Variants in PLEKHH2 observed in about 807,000 individuals in gnomAD.
PLEKHH2 encodes the protein pleckstrin homology, MyTH4 and FERM domain containing H2, also known as pleckstrin homology domain-containing family H member 2.
PLEKHH2 carries 129 observed loss-of-function variants against 187.9 expected under a neutral mutation model. The observed-to-expected ratio is 0.69, with a 90% confidence interval of 0.59 to 0.79. PLEKHH2 has a LOEUF of 0.79. PLEKHH2 is among the 30% of genes least tolerant of loss of function. The pLI, the probability that PLEKHH2 is intolerant of heterozygous loss-of-function variation, is 0.00. For synonymous variants in PLEKHH2, 686 were observed against 605.6 expected (o/e 1.13, Z -1.95); for missense variants, 2,076 against 1,751.2 (o/e 1.19, Z -3.31).
intron 2 of PLEKHH2, among the ~76,000 whole-genome samples, chr2:43,657,239 T>TG (rs1221763232): frequency 2.6e-5 from 4 of 152,138 alleles, no homozygotes; most frequent in Non-Finnish European, 5.9e-5. Flanking sequence ...TGATTTCACT[T>TG]GGATGTCTAG....
intron 21 of PLEKHH2, among the ~76,000 whole-genome samples, chr2:43,741,733 C>T (rs942483284): frequency 6.6e-6 from 1 of 152,102 alleles, no homozygotes; most frequent in South Asian, 2.1e-4. Flanking sequence ...CATCTGTGAC[C>T]AAGGTCAGGT....
chr2:43,685,634 G>A (rs375377672), intron 3 of PLEKHH2, among the ~76,000 whole-genome samples: 36 of 136,126 alleles, frequency 2.6e-4, no homozygotes, highest in East Asian at 1.3e-3. Flanking sequence ...TAGAGACGAT[G>A]TCTCACCACA....
intron 25 of PLEKHH2, among the ~76,000 whole-genome samples, chr2:43,754,869 C>CTTTTTTTTT (rs3066318): frequency 9.2e-6 from 1 of 108,782 alleles, no homozygotes; most frequent in Non-Finnish European, 1.8e-5. Context: ...TTAAAATCAA[C>CTTTTTTTTT]TTTTTTTTTT....
rs777049188 is a variant in PLEKHH2 at position 43,743,928 on chromosome 2, C to T, written c.3494C>T (p.Ala1165Val). The stretch of plus-strand genomic sequence containing the variant: ...AGGAAACCAGCGCAGTCTGGATTTG[C>T]GTTGTTCACTGACGATCCTTCTGGC... The part of the protein sequence containing the change: ...GMRKPAQSGF[A>V]LFTDDPSGRD... Residue 1165 changes from alanine to valine, a missense_variant, in exon 23 of 30, where the codon GCG becomes GTG. By Grantham distance (64) the Ala-to-Val change is moderately conservative (BLOSUM62 0). Transcript: ENST00000282406. The T allele has an allele frequency of 5.0e-6, 8 of 1,613,974 alleles. No individual in the cohort carries two copies. The highest frequency in any genetic ancestry group is 1.3e-5 in the African/African-American group (1 of 75,008).
intron 15 of PLEKHH2, among the ~76,000 whole-genome samples, chr2:43,716,301 G>A (rs1380010066): frequency 2.0e-5 from 3 of 152,202 alleles, no homozygotes; most frequent in Non-Finnish European, 2.9e-5. Context: ...GCTGAAACTG[G>A]AGGAAAAGTG....
In PLEKHH2 at chr2:43,675,826, T is replaced by A. The variant is rs377244045; in HGVS notation, c.124-3037T>A. On this transcript the variant is annotated intron_variant, in intron 2 of 29. Transcript: ENST00000282406. Reference sequence around the variant, plus strand: ...TCCAAATATAACAGTGTGGCCCAGATAGAAGGGCTGGGATGCATCCCTTGT... The same window carrying A: ...TCCAAATATAACAGTGTGGCCCAGAAAGAAGGGCTGGGATGCATCCCTTGT... 1.3e-5 allele frequency: 21 copies of A among 1,613,826 alleles called. No individual in the cohort carries two copies. In the African/African-American group the frequency reaches 2.8e-4, roughly 22 times the overall value.
At position 43,700,245 on chromosome 2, in the gene PLEKHH2, A is replaced by G. The variant is rs139795982; in HGVS notation, c.1287A>G (p.Gln429=). 1.3e-4 allele frequency: 212 copies of G among 1,614,062 alleles called. 2 individuals carry two copies. The highest frequency in any genetic ancestry group is 1.6e-4 in the Middle Eastern group (1 of 6,084). Residue 429 remains glutamine, a synonymous_variant, in exon 8 of 30, where the codon CAA becomes CAG. Transcript: ENST00000282406. ...HPNSLSGKGT[Q]LVPSSHLPPP... is the part of the protein sequence containing the mutation. ...ACTCACTCTCTGGAAAAGGAACACAATTAGTGCCTTCATCACACCTGCCAC... is the reference window on the plus strand; with the variant it reads ...ACTCACTCTCTGGAAAAGGAACACAGTTAGTGCCTTCATCACACCTGCCAC...
chr2:43,721,206 T>C (rs769996404), intron 16 of PLEKHH2, among the ~76,000 whole-genome samples: 1 of 152,172 alleles, frequency 6.6e-6, no homozygotes. Context: ...ATGTTTAAAC[T>C]AATCCCCTCC....
At chr2:43,715,069 G>A (rs1670148922) in intron 15 of PLEKHH2, among the ~76,000 whole-genome samples, 1 of 151,992 alleles carries the variant, frequency 6.6e-6, no homozygotes, top group African/African-American at 2.4e-5. Flanking sequence ...CCTGAGGTCA[G>A]AAGTTCGAGA....
intron 18 of PLEKHH2, among the ~76,000 whole-genome samples, 167 bp downstream of exon 18, chr2:43,729,912 C>T (rs1670957005): frequency 6.6e-6 from 1 of 152,114 alleles, no homozygotes; most frequent in African/African-American, 2.4e-5. Context: ...GGCTCTTTGG[C>T]TGCAGGGACA....
Position 43,720,724 on chromosome 2 carries a change from A to T in PLEKHH2, c.2516A>T (p.Tyr839Phe). 1 of 1,608,658 alleles carries T rather than the reference A, an allele frequency of 6.2e-7. No individual in the cohort carries two copies. The highest frequency in any genetic ancestry group is 8.5e-7 in the Non-Finnish European group (1 of 1,178,438). ...TGTACACTAATAGGAAAGACATTAT[A>T]TTATTTTCGGAGTCAAGAAGATAAG... Reference protein sequence around the residue: ...VWCTLIGKTLYYFRSQEDKFP... With the variant: ...VWCTLIGKTLFYFRSQEDKFP... Residue 839 changes from tyrosine (Y) to phenylalanine (F), a missense_variant, in exon 16 of 30, where the codon TAT becomes TTT. Coordinates refer to ENST00000282406, the MANE Select transcript of PLEKHH2 (RefSeq NM_172069.4).
chr2:43,695,483 T>C (rs1161826330), intron 6 of PLEKHH2, among the ~76,000 whole-genome samples: 1 of 152,232 alleles, frequency 6.6e-6, no homozygotes, highest in African/African-American at 2.4e-5. Context: ...GACCAAATAC[T>C]AATTTTGCCT....
At chr2:43,729,774 T>C in intron 18 of PLEKHH2, 29 bp downstream of exon 18, 1 of 1,469,398 alleles carries the variant, frequency 6.8e-7, no homozygotes, top group Non-Finnish European at 9.2e-7. Context: ...AAATAAAGCT[T>C]TATGGTTAAT....
chr2:43,680,687 T>C, intron 3 of PLEKHH2: 1 of 391,874 alleles, frequency 2.6e-6, no homozygotes, highest in South Asian at 2.2e-5. Flanking sequence ...TGCTCAAAAT[T>C]GAAGTCAAGT....
intron 3 of PLEKHH2, among the ~76,000 whole-genome samples, chr2:43,679,902 C>T (rs1312349985): frequency 6.6e-6 from 1 of 152,122 alleles, no homozygotes; most frequent in African/African-American, 2.4e-5. Flanking sequence ...GAACTACTGG[C>T]TTCAAGTGAT....
At chr2:43,682,880 C>T (rs1668276473) in intron 3 of PLEKHH2, among the ~76,000 whole-genome samples, 1 of 151,942 alleles carries the variant, frequency 6.6e-6, no homozygotes, top group South Asian at 2.1e-4. Context: ...TGATATTTAT[C>T]CACGTTGTAG....
intron 2 of PLEKHH2, among the ~76,000 whole-genome samples, chr2:43,656,823 G>A (rs534303887): frequency 6.6e-6 from 1 of 152,274 alleles, no homozygotes; most frequent in Non-Finnish European, 1.5e-5. Flanking sequence ...TTTGAGACCA[G>A]CCTGGCCAAC....
Position 43,765,622 on chromosome 2 carries a change from C to G in PLEKHH2, c.*24C>G. 3.1e-6 allele frequency: 5 copies of G among 1,604,782 alleles called. No individual in the cohort carries two copies. Among genetic ancestry groups the G allele is most frequent in the Non-Finnish European group, 4.3e-6 (5 of 1,176,018 alleles). ...GAAAGCTGGGGAGCCTGAACATTCA[C>G]TCCTTGTCCTCCATGCTGTGGCTGT... On this transcript the variant is annotated 3_prime_UTR_variant, in exon 30 of 30. Coordinates refer to ENST00000282406, the MANE Select transcript of PLEKHH2 (RefSeq NM_172069.4).
chr2:43,719,762 G>T (rs941793874), intron 15 of PLEKHH2, among the ~76,000 whole-genome samples: 1 of 152,156 alleles, frequency 6.6e-6, no homozygotes, highest in Non-Finnish European at 1.5e-5. Flanking sequence ...TCTAATGTTA[G>T]AGTGTTAACC....
Sources: gnomAD v4.1 joint callset for allele counts (sites outside exome capture counted in the v4.1 genomes callset) on GRCh38, gnomAD v4.1.1 for gene constraint, MANE v1.5 for transcripts, NCBI Gene and HGNC (gene_info 2026-07-23, HGNC 2026-07-21) for gene names.